DMD: variants seen among roughly 807,000 people sequenced by gnomAD.
DMD encodes the protein dystrophin.
A neutral mutation model predicts 330.1 loss-of-function variants in DMD; 63 were observed. The ratio of observed to expected loss-of-function variants is 0.19; its 90% confidence interval spans 0.16 to 0.24. The LOEUF (loss-of-function observed/expected upper bound fraction) is 0.24, where lower values mean the gene tolerates loss of function less well. Ranked by LOEUF, DMD falls within the 10% of genes least tolerant of loss-of-function variation. The pLI, the probability that DMD is intolerant of heterozygous loss-of-function variation, is 1.00. For missense variants in DMD, 3,344 were observed against 2,684.1 expected (o/e 1.25, Z -5.43); for synonymous variants, 1,223 against 959.8 (o/e 1.27, Z -5.07).
intron 2 of DMD, among the ~76,000 whole-genome samples, chrX:32,904,676 C>G (rs758760672): frequency 1.5e-3 from 167 of 112,151 alleles, no homozygotes; most frequent in Non-Finnish European, 2.4e-3. Context: ...CGGGCTCAAG[C>G]AATTCTCCTG....
chrX:31,497,727 T>A (rs2070015650), intron 56 of DMD, among the ~76,000 whole-genome samples: 1 of 112,067 alleles, frequency 8.9e-6, no homozygotes, highest in Non-Finnish European at 1.9e-5. Context: ...AATCCACATT[T>A]CACTTGAAGA....
chrX:33,263,545 C>G (rs2052995016), intron 1 of DMD, among the ~76,000 whole-genome samples: 1 of 107,769 alleles, frequency 9.3e-6, no homozygotes, highest in Non-Finnish European at 1.9e-5. Context: ...TGGGTTTATT[C>G]TTTTTAAAAG....
intron 1 of DMD, among the ~76,000 whole-genome samples, chrX:33,202,094 C>G (rs1393634001): frequency 3.6e-5 from 4 of 111,777 alleles, no homozygotes; most frequent in African/African-American, 1.3e-4. Context: ...ATATAATATG[C>G]CAATGTCTAT....
chrX:32,066,967 T>C (rs193067592), intron 44 of DMD, among the ~76,000 whole-genome samples: 1 of 111,502 alleles, frequency 9.0e-6, no homozygotes, highest in East Asian at 2.8e-4. Context: ...ATAAAATAAA[T>C]TAAGCTTAAT....
At position 31,819,980 on chromosome X, in the gene DMD, C is replaced by A. The variant is rs780889764; in HGVS notation, c.7304G>T (p.Gly2435Val). ...PDLAPGLTTI[G>V]ASPTQTVTLV... ...ATGGGATCCAGTATACTTACAGGCT[C>A]CAATAGTGGTCAGTCCAGGAGCTAG... Residue 2435 changes from glycine to valine, a missense_variant, in exon 50 of 79, where the codon GGA becomes GTA. Physicochemically the swap from Gly to Val is moderately radical, Grantham distance 109. Coordinates refer to ENST00000357033, the MANE Select transcript of DMD (RefSeq NM_004006.3). 2 of 1,207,946 alleles carry A rather than the reference C, an allele frequency of 1.7e-6. No homozygotes were observed. The highest frequency in any genetic ancestry group is 2.2e-6 in the Non-Finnish European group (2 of 891,828).
chrX:32,367,334 G>A (rs757181542), intron 34 of DMD, among the ~76,000 whole-genome samples: 52 of 111,859 alleles, frequency 4.6e-4, no homozygotes, highest in Middle Eastern at 9.3e-3. Context: ...CAAAGAGATG[G>A]ACATATACGC....
chrX:31,219,477 C>G (rs1445226890), intron 64 of DMD, among the ~76,000 whole-genome samples: 1 of 111,035 alleles, frequency 9.0e-6, no homozygotes, highest in Non-Finnish European at 1.9e-5. Flanking sequence ...GTTGCAGGGA[C>G]TCTCCACTCC....
At chrX:32,833,755 A>G (rs920539880) in intron 4 of DMD, among the ~76,000 whole-genome samples, 1 of 108,619 alleles carries the variant, frequency 9.2e-6, no homozygotes, top group African/African-American at 3.3e-5. Flanking sequence ...GAGTGACATT[A>G]TAAGAAATAT....
chrX:32,574,333 A>G (rs2052768992), intron 13 of DMD, among the ~76,000 whole-genome samples: 1 of 112,216 alleles, frequency 8.9e-6, no homozygotes, highest in Non-Finnish European at 1.9e-5. Flanking sequence ...AAATTCTATT[A>G]CTATGTAGAT....
At chrX:31,769,149 A>G (rs2090183278) in intron 51 of DMD, among the ~76,000 whole-genome samples, 2 of 112,168 alleles carry the variant, frequency 1.8e-5, no homozygotes, top group Admixed American at 1.9e-4. Flanking sequence ...AGCTTACTTG[A>G]ATGTCATGTC....
At position 31,747,353 on chromosome X, in the gene DMD, C is replaced by T. The variant is rs556053031; in HGVS notation, c.7543-17605G>A. Among the ~76,000 whole-genome samples the T allele has an allele frequency of 9.9e-5, 11 of 111,592 alleles. No individual in the cohort carries two copies. In the South Asian group the frequency reaches 2.6e-3, roughly 27 times the overall value. On this transcript the variant is annotated intron_variant, in intron 51 of 78. Coordinates refer to ENST00000357033, the MANE Select transcript of DMD (RefSeq NM_004006.3). ...CAAAGAACAGACTGTTATTGGAGAA[C>T]GTAAAAATTACAATAGAATATATTT...
chrX:31,220,291 C>T (rs774337749), intron 64 of DMD, among the ~76,000 whole-genome samples: 11 of 111,534 alleles, frequency 9.9e-5, no homozygotes, highest in Non-Finnish European at 1.9e-4. Context: ...TAAATTTCTC[C>T]AAGAATCATT....
intron 7 of DMD, among the ~76,000 whole-genome samples, chrX:32,717,649 G>A (rs2065869264): frequency 1.8e-5 from 2 of 111,200 alleles, no homozygotes; most frequent in African/African-American, 3.3e-5. Context: ...TGAGAAGAGG[G>A]CCACTGTCCT....
At chrX:31,925,510 G>C (rs894413578) in intron 47 of DMD, among the ~76,000 whole-genome samples, 1 of 111,739 alleles carries the variant, frequency 8.9e-6, no homozygotes, top group African/African-American at 3.3e-5. Flanking sequence ...GTCAGGGAAG[G>C]AGAGCAGAAG....
At chrX:32,455,246 C>A (rs2098352083) in intron 25 of DMD, among the ~76,000 whole-genome samples, 1 of 111,162 alleles carries the variant, frequency 9.0e-6, no homozygotes, top group South Asian at 3.7e-4. Context: ...ACTTCATAAT[C>A]ATGTATCTAC....
intron 1 of DMD, among the ~76,000 whole-genome samples, chrX:33,198,730 T>C (rs1379711599): frequency 9.0e-6 from 1 of 110,769 alleles, no homozygotes; most frequent in African/African-American, 3.3e-5. Context: ...TACCACATAA[T>C]CCGACTGGCA....
intron 51 of DMD, among the ~76,000 whole-genome samples, chrX:31,749,627 A>C (rs1405468768): frequency 9.1e-6 from 1 of 109,531 alleles, no homozygotes; most frequent in African/African-American, 3.3e-5. Flanking sequence ...TCTTTATAGC[A>C]GCATGATTTA....
intron 62 of DMD, among the ~76,000 whole-genome samples, chrX:31,284,868 ACC>A (rs1569517183): frequency 4.6e-5 from 5 of 107,634 alleles, no homozygotes; most frequent in African/African-American, 1.7e-4. Context: ...ACACACCCAC[ACC>A]CACACACGCA....
At chrX:32,787,080 C>T (rs1603419988) in intron 7 of DMD, among the ~76,000 whole-genome samples, 1 of 111,103 alleles carries the variant, frequency 9.0e-6, no homozygotes, top group South Asian at 3.7e-4. Flanking sequence ...CCTAGTTATA[C>T]TTTTGCAAGT....
Sources: allele counts gnomAD v4.1 joint callset (sites outside exome capture counted in the v4.1 genomes callset), GRCh38; gene constraint gnomAD v4.1.1; transcripts MANE v1.5; gene names NCBI Gene and HGNC (gene_info 2026-07-23, HGNC 2026-07-21).